Variants in SCARB2 observed in about 807,000 individuals in gnomAD.
SCARB2 encodes scavenger receptor class B member 2.
Under a neutral mutation model 58.6 loss-of-function variants are expected in SCARB2, and 29 were observed. The ratio of observed to expected loss-of-function variants is 0.49; its 90% confidence interval spans 0.37 to 0.67. SCARB2 has a LOEUF of 0.67. Among genes scored for constraint, SCARB2 ranks in the 30% least tolerant of loss-of-function variants. SCARB2 has a pLI of 0.00. For missense variants in SCARB2, 488 were observed against 578.5 expected (o/e 0.84, Z 1.60); for synonymous variants, 195 against 210.1 (o/e 0.93, Z 0.62).
At chr4:76,174,398 G>C in intron 6 of SCARB2, 85 bp from the exon 7 acceptor site, 1 of 1,230,220 alleles carries the variant, frequency 8.1e-7, no homozygotes, top group Non-Finnish European at 1.2e-6. Context: ...ACAGTTCTCA[G>C]GTACAACATG....
At chr4:76,217,924 G>A (rs1733241647), upstream of SCARB2, among the ~76,000 whole-genome samples, 1 of 152,182 alleles carries the variant, frequency 6.6e-6, no homozygotes, top group South Asian at 2.1e-4. Flanking sequence ...AGGGCTCTTT[G>A]GGCTCTACCT....
At chr4:76,191,535 T>C (rs1282395614) in intron 2 of SCARB2, among the ~76,000 whole-genome samples, 1 of 152,070 alleles carries the variant, frequency 6.6e-6, no homozygotes, top group East Asian at 1.9e-4. Context: ...TCTGGCCATG[T>C]GACATGCCTG....
chr4:76,218,391 T>A (rs891014941), upstream of SCARB2, among the ~76,000 whole-genome samples: 1 of 152,232 alleles, frequency 6.6e-6, no homozygotes, highest in Non-Finnish European at 1.5e-5. Context: ...TTTATGCAGA[T>A]AGGCTTACAT....
Position 76,212,265 on chromosome 4 carries a change from G to A in SCARB2, c.117+1162C>T, listed in dbSNP as rs1204378133. Among the ~76,000 whole-genome samples the A allele has an allele frequency of 4.6e-5, 7 of 152,090 alleles. No homozygotes were observed. The East Asian group carries it at 1.3e-3, about 29-fold the overall frequency. ...GATTGCTCAAAGGAAACTGACCCTC[G>A]AGACGCTCAGACAGTGGGCCTTGTC... On this transcript the variant is annotated intron_variant, in intron 1 of 11. Transcript: ENST00000264896.
rs1456436385 is a variant in SCARB2, at chr4:76,195,966, T to A, written c.118-102A>T. ...ACGCCCCCTATTCTGACCTCCTAGA[T>A]CACTATTTTAATCATTTCACAGGCA... On this transcript the variant is annotated intron_variant, in intron 1 of 11. Transcript: ENST00000264896. 43 of 779,834 alleles carry A rather than the reference T, an allele frequency of 5.5e-5. No homozygotes were observed. In the East Asian group the frequency reaches 1.1e-3, roughly 20 times the overall value. The allele number at this position is 779,834 out of a possible 1,614,324, so 48.3% of individuals were successfully genotyped here.
intron 1 of SCARB2, among the ~76,000 whole-genome samples, chr4:76,231,244 G>C (rs531385581): frequency 1.3e-5 from 2 of 152,284 alleles, no homozygotes; most frequent in South Asian, 4.1e-4. Flanking sequence ...TTTCCCAAAG[G>C]AAATGTCCAA....
At chr4:76,217,673 C>A, upstream of SCARB2, 1 of 647,648 alleles carries the variant, frequency 1.5e-6, no homozygotes, top group South Asian at 1.8e-5. Flanking sequence ...AACCTCTTTT[C>A]ACTACCCAAT....
chr4:76,234,477 GCTAGGCCAGAGTCCCT>G (rs1733549886), exon 1 of SCARB2: 1 of 152,222 alleles, frequency 6.6e-6, no homozygotes, highest in Admixed American at 6.5e-5. Context: ...AGGGACTCTT[GCTAGGCCAGAGTCCCT>G]GCTAGAATGC....
intron 1 of SCARB2, among the ~76,000 whole-genome samples, chr4:76,208,043 C>T (rs1002808689): frequency 1.3e-5 from 2 of 152,138 alleles, no homozygotes; most frequent in Admixed American, 6.5e-5. Context: ...TTGCAGATTA[C>T]GATCCCACAG....
intron 1 of SCARB2, among the ~76,000 whole-genome samples, chr4:76,222,371 C>T (rs922141209): frequency 1.3e-5 from 2 of 152,108 alleles, no homozygotes; most frequent in African/African-American, 2.4e-5. Context: ...GGACTATAGG[C>T]GTGAGCCACC....
At chr4:76,176,255 T>A in intron 5 of SCARB2, 182 bp downstream of exon 5, 1 of 614,722 alleles carries the variant, frequency 1.6e-6, no homozygotes, top group Non-Finnish European at 2.9e-6. Flanking sequence ...ATCACTAATA[T>A]TTAATCTGTA....
chr4:76,174,565 A>T, intron 6 of SCARB2: 3 of 461,888 alleles, frequency 6.5e-6, no homozygotes, highest in South Asian at 4.2e-5. Context: ...TACAAAATTA[A>T]GATGATAACA....
At chr4:76,163,040 T>A in intron 11 of SCARB2, 185 bp downstream of exon 11, 1 of 706,952 alleles carries the variant, frequency 1.4e-6, no homozygotes. Flanking sequence ...CCCTCCACCT[T>A]CTTTGACACA....
At chr4:76,162,133 A>G (rs1187946906) in intron 11 of SCARB2, 2 of 252,904 alleles carry the variant, frequency 7.9e-6, no homozygotes, top group Non-Finnish European at 1.6e-5. Flanking sequence ...TAATTGTAGG[A>G]GCAGTAATTA....
chr4:76,204,734 C>A (rs1732895814), intron 1 of SCARB2, among the ~76,000 whole-genome samples: 1 of 152,118 alleles, frequency 6.6e-6, no homozygotes, highest in East Asian at 1.9e-4. Flanking sequence ...GCCACGGAAA[C>A]AAGGCCCACA....
intron 7 of SCARB2, chr4:76,172,970 T>C (rs1732163740): frequency 6.6e-6 from 1 of 152,098 alleles, no homozygotes; most frequent in Admixed American, 6.6e-5. Flanking sequence ...AGACCCTGAG[T>C]TCCGCCAGGG....
chr4:76,191,110 T>C (rs1225571450), intron 2 of SCARB2, among the ~76,000 whole-genome samples: 1 of 152,236 alleles, frequency 6.6e-6, no homozygotes, highest in African/African-American at 2.4e-5. Flanking sequence ...GACACTTAGA[T>C]ACTGATCCTG....
At position 76,161,633 on chromosome 4, in the gene SCARB2, C is replaced by CA. The variant is rs1661547334; in HGVS notation, c.*79dup. 4.1e-6 allele frequency: 6 copies of CA among 1,447,894 alleles called. No individual in the cohort carries two copies. The highest frequency in any genetic ancestry group is 5.8e-6 in the Non-Finnish European group (6 of 1,028,772). 89.7% of individuals were successfully genotyped at this position (1,447,894 alleles called of 1,614,324 possible). On this transcript the variant is annotated 3_prime_UTR_variant, in exon 12 of 12. Transcript: ENST00000264896. The stretch of plus-strand genomic sequence containing the variant: ...CTTCTTTCAACAGGCAACAAGCCTG[C>CA]AAGGAGGTGGAGGGTTTCCCCACGT...
intron 1 of SCARB2, among the ~76,000 whole-genome samples, chr4:76,210,014 C>T (rs560248627): frequency 6.6e-6 from 1 of 152,298 alleles, no homozygotes; most frequent in South Asian, 2.1e-4. Flanking sequence ...TGCATAGCTG[C>T]TCTTAAAGGT....
Sources: allele counts gnomAD v4.1 joint callset (sites outside exome capture counted in the v4.1 genomes callset), GRCh38; gene constraint gnomAD v4.1.1; transcripts MANE v1.5; gene names NCBI Gene and HGNC (gene_info 2026-07-23, HGNC 2026-07-21).